ACACB: variants seen among roughly 807,000 people sequenced by gnomAD.
ACACB encodes the protein acetyl-CoA carboxylase beta, also known as acetyl-CoA carboxylase 2.
Under a neutral mutation model 278.8 loss-of-function variants are expected in ACACB, and 209 were observed. The ratio of observed to expected loss-of-function variants is 0.75; its 90% CI spans 0.67 to 0.84. The LOEUF is 0.84. ACACB is among the 40% of genes least tolerant of loss of function. The pLI is 0.00. For missense variants in ACACB, 2,850 were observed against 3,269.0 expected (o/e 0.87, Z 3.13); for synonymous variants, 1,174 against 1,285.6 (o/e 0.91, Z 1.86).
At chr12:109,118,763 GT>G (rs1256804294) in intron 1 of ACACB, among the ~76,000 whole-genome samples, 1 of 152,110 alleles carries the variant, frequency 6.6e-6, no homozygotes, top group Non-Finnish European at 1.5e-5. Context: ...TCAGTGACTT[GT>G]TACTTCAAAG....
chr12:109,235,558 T>C (rs2046609545), intron 32 of ACACB, 48 bp from the exon 33 acceptor site: 1 of 1,552,192 alleles, frequency 6.4e-7, no homozygotes, highest in Non-Finnish European at 8.9e-7. Flanking sequence ...CATATTTCAG[T>C]GCGTCTTGCT....
At chr12:109,174,031 C>T (rs1226504428) in intron 6 of ACACB, 101 bp from the exon 7 acceptor site, 1 of 932,440 alleles carries the variant, frequency 1.1e-6, no homozygotes, top group African/African-American at 1.7e-5. Context: ...CTGTCATCTG[C>T]TCCTTACCTG....
intron 1 of ACACB, among the ~76,000 whole-genome samples, chr12:109,127,004 T>C (rs1398168204): frequency 1.3e-5 from 2 of 152,334 alleles, no homozygotes; most frequent in East Asian, 3.9e-4. Context: ...TAGTAATCTT[T>C]TGCTTACTCT....
At chr12:109,241,308 C>T in intron 36 of ACACB, 27 bp downstream of exon 36, 2 of 1,606,246 alleles carry the variant, frequency 1.2e-6, no homozygotes, top group Non-Finnish European at 1.7e-6. Flanking sequence ...CCGTGGGGGT[C>T]TAAGTCAAAG....
At position 109,201,556 on chromosome 12, in the gene ACACB, T is replaced by C; in HGVS notation, c.2779-11T>C. 4 of 1,613,986 alleles carry C rather than the reference T, an allele frequency of 2.5e-6. No individual in the cohort carries two copies. Among genetic ancestry groups the C allele is most frequent in the Non-Finnish European group, 3.4e-6 (4 of 1,179,946 alleles). On this transcript the variant is annotated splice_polypyrimidine_tract_variant and intron_variant, in intron 18 of 52. Transcript: ENST00000338432. The stretch of plus-strand genomic sequence containing the variant: ...GTGGGCTCTGTACTATTTCTTCTTT[T>C]TACGAAATAGGTGATGAAGATGATC...
At chr12:109,265,597 G>A (rs548325358) in intron 52 of ACACB, 72 bp downstream of exon 52, 33 of 1,555,442 alleles carry the variant, frequency 2.1e-5, no homozygotes, top group African/African-American at 9.5e-5. Flanking sequence ...CTAGCTACCC[G>A]ACTCCTATGC....
intron 13 of ACACB, chr12:109,191,359 G>A (rs1353143898): frequency 1.1e-5 from 4 of 355,012 alleles, no homozygotes; most frequent in Non-Finnish European, 2.2e-5. Flanking sequence ...GATTACAGGC[G>A]TCCTCCACCA....
chr12:109,182,943 T>A (rs2044529902), intron 11 of ACACB, among the ~76,000 whole-genome samples: 1 of 152,220 alleles, frequency 6.6e-6, no homozygotes. Context: ...GTCTTAGATT[T>A]AAGTCTTTAG....
Position 109,166,921 on chromosome 12 carries a change from G to T in ACACB, c.714G>T (p.Leu238=). ...KRGREHKKLD[L]HRDFTVASPA... ...GACGGGAACACAAGAAGCTGGACCT[G>T]CACAGAGACTTTACCGTGGCTTCTC... Residue 238 remains leucine, a synonymous_variant, in exon 3 of 53, where the codon CTG becomes CTT. Coordinates refer to ENST00000338432, the MANE Select transcript of ACACB (RefSeq NM_001093.4). 1 of 1,614,090 alleles carries T rather than the reference G, an allele frequency of 6.2e-7. No individual in the cohort carries two copies.
chr12:109,182,264 A>G (rs1446802226), intron 11 of ACACB, among the ~76,000 whole-genome samples: 3 of 152,132 alleles, frequency 2.0e-5, no homozygotes, highest in African/African-American at 7.2e-5. Flanking sequence ...GCCTTTTCCT[A>G]TGCCTGTTTG....
intron 1 of ACACB, among the ~76,000 whole-genome samples, chr12:109,126,943 A>C (rs939487585): frequency 5.0e-5 from 5 of 100,584 alleles, no homozygotes; most frequent in African/African-American, 6.0e-5. Flanking sequence ...AATGCTGTAC[A>C]CCCGTACTCT....
intron 49 of ACACB, among the ~76,000 whole-genome samples, chr12:109,262,757 A>G (rs1459054031): frequency 6.6e-6 from 1 of 151,574 alleles, no homozygotes; most frequent in Non-Finnish European, 1.5e-5. Context: ...AGCTGGGACT[A>G]CAAGTACGCA....
At chr12:109,170,713 G>A (rs1420114621) in intron 4 of ACACB, among the ~76,000 whole-genome samples, 1 of 151,988 alleles carries the variant, frequency 6.6e-6, no homozygotes, top group Non-Finnish European at 1.5e-5. Flanking sequence ...AAAAGTTGTG[G>A]ACATCTGTTT....
At chr12:109,248,156 G>A (rs1442421490) in intron 40 of ACACB, among the ~76,000 whole-genome samples, 1 of 152,098 alleles carries the variant, frequency 6.6e-6, no homozygotes, top group African/African-American at 2.4e-5. Flanking sequence ...TGGGTTTTTT[G>A]CAATGTTAGT....
At chr12:109,239,034 A>T (rs147829206) in intron 34 of ACACB, among the ~76,000 whole-genome samples, 2 of 152,124 alleles carry the variant, frequency 1.3e-5, no homozygotes, top group African/African-American at 4.8e-5. Flanking sequence ...CTCCTGCGTC[A>T]GCTTCCTAAG....
chr12:109,265,178 C>A lies in ACACB; in HGVS notation c.7011C>A (p.Asp2337Glu), dbSNP rs758352184. Residue 2337 changes from aspartate (D) to glutamate (E), a missense_variant, in exon 51 of 53, where the codon GAC (aspartate) becomes GAA (glutamate). Transcript: ENST00000338432. ...GTCTGCGCCGCCTCCTCCTGGAGGA[C>A]CAGGTCAAGCAGGAGATCCTGCAGG... ...YWRLRRLLLE[D>E]QVKQEILQAS... 1.2e-6 allele frequency: 2 copies of A among 1,613,848 alleles called. No homozygotes were observed. Among genetic ancestry groups the A allele is most frequent in the Non-Finnish European group, 1.7e-6 (2 of 1,180,010 alleles).
chr12:109,167,453 G>C lies in ACACB; in HGVS notation c.787-443G>C, dbSNP rs12307691. ...TCTCTGCAAAAAAATTAAAAAATTA[G>C]CAGGATGTGGTGGTGTACACCTGTA... On this transcript the variant is annotated intron_variant, in intron 3 of 52. Transcript: ENST00000338432. 8.7e-3 allele frequency among the ~76,000 whole-genome samples: 1,318 copies of C among 151,174 alleles called. 25 individuals carry two copies. The highest frequency in any genetic ancestry group is 0.031 in the African/African-American group (1,261 of 41,218).
intron 12 of ACACB, 124 bp from the exon 13 acceptor site, chr12:109,187,875 C>T: frequency 2.8e-6 from 3 of 1,057,526 alleles, no homozygotes; most frequent in Admixed American, 2.9e-5. Context: ...TATCAGTGTT[C>T]TATTGACTAC....
chr12:109,194,451 C>A (rs2136297001), intron 16 of ACACB, among the ~76,000 whole-genome samples: 1 of 147,112 alleles, frequency 6.8e-6, no homozygotes, highest in South Asian at 2.1e-4. Flanking sequence ...CCTGCCTTGG[C>A]CTCCCAAAGT....
Sources: allele counts gnomAD v4.1 joint callset (sites outside exome capture counted in the v4.1 genomes callset), GRCh38; gene constraint gnomAD v4.1.1; transcripts MANE v1.5; gene names NCBI Gene and HGNC (gene_info 2026-07-23, HGNC 2026-07-21).